Variants in KCNT1 observed in about 807,000 individuals in gnomAD.
KCNT1 encodes the protein potassium channel subfamily T member 1.
A neutral mutation model predicts 147.8 loss-of-function variants in KCNT1; 78 were observed. The observed-to-expected ratio is 0.53, with a 90% CI of 0.44 to 0.64. The LOEUF (loss-of-function observed/expected upper bound fraction) is 0.64. Ranked by LOEUF, KCNT1 falls within the 30% of genes least tolerant of loss-of-function variation. The pLI is 0.00. For synonymous variants in KCNT1, 867 were observed against 748.8 expected, an observed-to-expected ratio of 1.16 and a Z score of -2.58; for missense variants, 1,419 against 1,750.3, an observed-to-expected ratio of 0.81 and a Z score of 3.38.
At chr9:135,765,581 C>T in intron 12 of KCNT1, 43 bp from the exon 13 acceptor site, 1 of 1,580,608 alleles carries the variant, frequency 6.3e-7, no homozygotes, top group Non-Finnish European at 8.6e-7. Flanking sequence ...CCGGGCGGGG[C>T]AGGGGCTGGC....
At chr9:135,746,911 G>C (rs763291616) in intron 2 of KCNT1, among the ~76,000 whole-genome samples, 3 of 152,166 alleles carry the variant, frequency 2.0e-5, no homozygotes, top group Admixed American at 6.5e-5. Flanking sequence ...TCTGGTCTAG[G>C]GGAGGGGAGG....
intron 25 of KCNT1, 116 bp from the exon 26 acceptor site, chr9:135,784,419 C>T (rs1833851874): frequency 7.8e-6 from 6 of 768,820 alleles, no homozygotes; most frequent in South Asian, 1.7e-5. Flanking sequence ...TGAGGGGTGG[C>T]GAGCCCGTGG....
At chr9:135,767,565 C>T (rs1256434331) in intron 13 of KCNT1, among the ~76,000 whole-genome samples, 2 of 152,080 alleles carry the variant, frequency 1.3e-5, no homozygotes, top group African/African-American at 4.8e-5. Flanking sequence ...ATTCCCCCCT[C>T]CCTCCTGCAC....
chr9:135,765,605 C>T lies in KCNT1; in HGVS notation c.1201-19C>T. ...GCAGGGGCTGGCTCAGAGGGTCTGA[C>T]CCTCCGCCTGGCCGGCAGGACTATT... is the stretch of plus-strand genomic sequence containing the variant. On this transcript the variant is annotated intron_variant, in intron 12 of 30. Coordinates refer to ENST00000371757, the MANE Select transcript of KCNT1 (RefSeq NM_020822.3). 4.4e-6 allele frequency: 7 copies of T among 1,601,074 alleles called. No homozygotes were observed. Among genetic ancestry groups the T allele is most frequent in the South Asian group, 1.1e-5 (1 of 90,000 alleles).
chr9:135,711,976 G>A (rs1835513217), intron 1 of KCNT1, among the ~76,000 whole-genome samples: 1 of 152,256 alleles, frequency 6.6e-6, no homozygotes, highest in Non-Finnish European at 1.5e-5. Context: ...TCACGCATGA[G>A]CATACAGGCT....
chr9:135,772,081 C>T (rs1292766670), intron 18 of KCNT1, among the ~76,000 whole-genome samples: 1 of 152,226 alleles, frequency 6.6e-6, no homozygotes, highest in Non-Finnish European at 1.5e-5. Context: ...CCGTCTACGG[C>T]AGCTCACTCG....
chr9:135,779,203 G>T (rs564982369), intron 23 of KCNT1, among the ~76,000 whole-genome samples, 156 bp from the exon 24 acceptor site: 2 of 123,738 alleles, frequency 1.6e-5, no homozygotes, highest in South Asian at 5.3e-4. Flanking sequence ...CCTGCCCTGA[G>T]ACCCCCATAG....
At chr9:135,779,169 T>G (rs1310299867) in intron 23 of KCNT1, among the ~76,000 whole-genome samples, 190 bp from the exon 24 acceptor site, 1 of 115,824 alleles carries the variant, frequency 8.6e-6, no homozygotes, top group East Asian at 2.7e-4. Context: ...GCCTCTGCCC[T>G]GAGACCCCCC....
chr9:135,714,435 GC>G lies in KCNT1; in HGVS notation c.111-137del. On this transcript the variant is annotated intron_variant, in intron 1 of 30. Coordinates refer to ENST00000371757, the MANE Select transcript of KCNT1 (RefSeq NM_020822.3). The surrounding 1 kb of genome is among the most constrained non-coding windows in gnomAD (Gnocchi z 6.2). ...CCCGCCCGCATGTGCCGCCAGGCCC[GC>G]CCCCGCCCGGCCGCCCGCCCGCCCG... 6.1e-6 allele frequency: 2 copies of G among 330,524 alleles called. No homozygotes were observed. The highest frequency in any genetic ancestry group is 8.5e-6 in the Non-Finnish European group (2 of 236,486). 20.5% of individuals were successfully genotyped at this position (330,524 alleles called of 1,614,324 possible).
At chr9:135,766,419 AGGGTGGACCATCTG>A (rs1832289757) in intron 13 of KCNT1, among the ~76,000 whole-genome samples, 2 of 149,998 alleles carry the variant, frequency 1.3e-5, no homozygotes, top group South Asian at 4.2e-4. Context: ...TGGACCATCT[AGGGTGGACCATCTG>A]GGGTTGGTCC....
At chr9:135,706,321 C>T (rs533450664) in intron 1 of KCNT1, among the ~76,000 whole-genome samples, 215 of 152,354 alleles carry the variant, frequency 1.4e-3, no homozygotes, top group Admixed American at 3.0e-3. Context: ...AGCATTTGTC[C>T]GGTGACTTCC....
intron 11 of KCNT1, among the ~76,000 whole-genome samples, chr9:135,763,460 G>T (rs1480746491): frequency 6.6e-6 from 1 of 152,346 alleles, no homozygotes; most frequent in East Asian, 1.9e-4. Flanking sequence ...AGACAGACAG[G>T]CAGCTTAAAC....
rs568024320 is a variant in KCNT1, at chr9:135,702,871, A to G, written c.110+503A>G. On this transcript the variant is annotated intron_variant, in intron 1 of 30. Coordinates refer to ENST00000371757, the MANE Select transcript of KCNT1 (RefSeq NM_020822.3). ...AAGAGTCCCCAGTGGGAAGTGGGCT[A>G]AGTGGCTGTCAGATGAGGGCGGGAG... 3.2e-5 allele frequency: 5 copies of G among 156,712 alleles called. No homozygotes were observed. In the South Asian group the frequency reaches 7.5e-4, roughly 23 times the overall value. 9.7% of individuals were successfully genotyped at this position (156,712 alleles called of 1,614,324 possible).
intron 1 of KCNT1, among the ~76,000 whole-genome samples, chr9:135,705,068 C>T (rs1835196561): frequency 6.6e-6 from 1 of 152,222 alleles, no homozygotes; most frequent in Non-Finnish European, 1.5e-5. Flanking sequence ...TCCAAGTGTG[C>T]TGGTCTGGTT....
rs751320619 is a variant in KCNT1 at position 135,775,389 on chromosome 9, C to G, written c.2323C>G (p.Pro775Ala). ...TLCHLLPVKA[P>A]FCCLRLDKGC... Reference sequence around the variant, plus strand: ...GTGCCACCTCCTGCCTGTGAAAGCCCCCTTCTGCTGCCTGCGGCTGGACAA... The same window carrying G: ...GTGCCACCTCCTGCCTGTGAAAGCCGCCTTCTGCTGCCTGCGGCTGGACAA... The change falls in exon 20 of 31, where the codon CCC (proline) becomes GCC (alanine). Residue 775 changes from proline (P) to alanine (A), a missense_variant. Transcript: ENST00000371757. 2.5e-6 allele frequency: 4 copies of G among 1,611,044 alleles called. No homozygotes were observed. The highest frequency in any genetic ancestry group is 3.4e-6 in the Non-Finnish European group (4 of 1,178,532).
In KCNT1 at chr9:135,786,208, G is replaced by T. The variant is rs777914546; in HGVS notation, c.3189G>T (p.Ser1063=). 3.1e-6 allele frequency: 5 copies of T among 1,596,474 alleles called. No homozygotes were observed. Among genetic ancestry groups the T allele is most frequent in the Non-Finnish European group, 4.3e-6 (5 of 1,167,392 alleles). Residue 1063 remains serine, a synonymous_variant, in exon 29 of 31, where the codon TCG becomes TCT. Transcript: ENST00000371757. ...PHDLRAQSQI[S]VNVEDCEDTR... ...CCTGCCCTGCCCAGTCCCAGATCTC[G>T]GTGAACGTGGAGGACTGTGAGGACA...
chr9:135,769,023 G>T, intron 15 of KCNT1, 86 bp downstream of exon 15: 1 of 1,035,940 alleles, frequency 9.7e-7, no homozygotes. Context: ...GGGGCAGGGC[G>T]CATGTGCACA....
At chr9:135,785,723 C>G (rs1833993834) in intron 28 of KCNT1, 1 of 469,018 alleles carries the variant, frequency 2.1e-6, no homozygotes, top group African/African-American at 2.0e-5. Flanking sequence ...CCACGACCCA[C>G]AGGCTCTGGC....
intron 29 of KCNT1, among the ~76,000 whole-genome samples, chr9:135,786,800 G>A (rs1260440655): frequency 6.6e-6 from 1 of 152,246 alleles, no homozygotes; most frequent in Non-Finnish European, 1.5e-5. Context: ...TCCCTGGTGT[G>A]AGCCCCGTAG....
Sources: gnomAD v4.1 joint callset for allele counts (sites outside exome capture counted in the v4.1 genomes callset) on GRCh38, gnomAD v4.1.1 for gene constraint, Gnocchi (gnomAD v3.1) non-coding constraint, MANE v1.5 for transcripts, NCBI Gene and HGNC (gene_info 2026-07-23, HGNC 2026-07-21) for gene names.